OSBP2: variants seen among roughly 807,000 people sequenced by gnomAD.
The protein encoded by OSBP2 is oxysterol binding protein 2.
In OSBP2, 66 loss-of-function variants were observed where a neutral mutation model predicts 96.0. That is an observed-to-expected ratio of 0.69 (90% CI 0.56 to 0.84). The LOEUF (loss-of-function observed/expected upper bound fraction) is 0.84. Among genes scored for constraint, OSBP2 ranks in the 40% least tolerant of loss-of-function variants. The pLI, the probability that OSBP2 is intolerant of heterozygous loss-of-function variation, is 0.00. For missense variants in OSBP2, 1,038 were observed against 1,222.7 expected (o/e 0.85, Z 2.25); for synonymous variants, 525 against 520.9 (o/e 1.01, Z -0.11).
At chr22:30,724,678 C>T (rs1023053600) in intron 1 of OSBP2, among the ~76,000 whole-genome samples, 3 of 152,204 alleles carry the variant, frequency 2.0e-5, no homozygotes, top group African/African-American at 7.2e-5. Context: ...TATAAACACC[C>T]GTTTGCAGGG....
At chr22:30,822,877 G>A (rs1052199142) in intron 2 of OSBP2, among the ~76,000 whole-genome samples, 2 of 152,216 alleles carry the variant, frequency 1.3e-5, no homozygotes, top group Non-Finnish European at 2.9e-5. Flanking sequence ...GCACCCCGCC[G>A]GCGTGCGCTC....
chr22:30,835,159 T>C (rs1216287379), intron 2 of OSBP2, among the ~76,000 whole-genome samples: 1 of 152,194 alleles, frequency 6.6e-6, no homozygotes, highest in African/African-American at 2.4e-5. Context: ...TTTTGATGTT[T>C]AATTTATCTA....
chr22:30,718,522 G>C (rs1311529997), intron 1 of OSBP2, among the ~76,000 whole-genome samples: 1 of 152,210 alleles, frequency 6.6e-6, no homozygotes, highest in African/African-American at 2.4e-5. Flanking sequence ...CACATCAAAG[G>C]ACTCGGGAAA....
At chr22:30,903,587 A>G (rs1212648809) in intron 12 of OSBP2, among the ~76,000 whole-genome samples, 6 of 152,246 alleles carry the variant, frequency 3.9e-5, no homozygotes, top group Non-Finnish European at 8.8e-5. Context: ...CTGTGTCCCA[A>G]TGAGTTCACT....
At position 30,871,647 on chromosome 22, in the gene OSBP2, G is replaced by T. The variant is rs1248106123; in HGVS notation, c.1107+965G>T. On this transcript the variant is annotated intron_variant, in intron 3 of 13. Coordinates refer to ENST00000332585, the MANE Select transcript of OSBP2 (RefSeq NM_030758.4). This position sits in a 1 kb window ranked among gnomAD's most constrained non-coding sequence, Gnocchi z 4.7. ...GGACAGTGGGCAGTGCTGGTGCCTG[G>T]GTGACCTCCAGCTGGGGGACCCAGC... 6.6e-6 allele frequency among the ~76,000 whole-genome samples: 1 copy of T among 151,834 alleles called. No homozygotes were observed. The highest frequency in any genetic ancestry group is 1.5e-5 in the Non-Finnish European group (1 of 67,948).
rs564483806 is a variant in OSBP2 at position 30,889,242 on chromosome 22, A to AG, written c.1476+13dup. On this transcript the variant is annotated intron_variant, in intron 6 of 13. Coordinates refer to ENST00000332585, the MANE Select transcript of OSBP2 (RefSeq NM_030758.4). ...TGGAGCTCAGCAGACAATGTAAGTGAGGGGGAGCACTGTAAGGGCCAGAAG... is the reference window on the plus strand; with the variant it reads ...TGGAGCTCAGCAGACAATGTAAGTGAGGGGGGAGCACTGTAAGGGCCAGAAG... The AG allele has an allele frequency of 4.4e-3, 7,132 of 1,610,820 alleles. 21 individuals carry two copies. The highest frequency in any genetic ancestry group is 4.3e-3 in the Non-Finnish European group (5,037 of 1,178,926).
chr22:30,780,225 T>A (rs2090498864), intron 2 of OSBP2, among the ~76,000 whole-genome samples: 1 of 152,226 alleles, frequency 6.6e-6, no homozygotes, highest in African/African-American at 2.4e-5. Flanking sequence ...TGCACCCCAG[T>A]GCTAATGCTT....
At chr22:30,729,393 T>C (rs1354432774) in intron 1 of OSBP2, among the ~76,000 whole-genome samples, 1 of 152,184 alleles carries the variant, frequency 6.6e-6, no homozygotes, top group Non-Finnish European at 1.5e-5. Context: ...AACCCAGCAC[T>C]TTGGGAGGCC....
intron 12 of OSBP2, among the ~76,000 whole-genome samples, chr22:30,895,963 G>A (rs935381066): frequency 6.6e-6 from 1 of 151,670 alleles, no homozygotes; most frequent in South Asian, 2.1e-4. Context: ...CTTTAAAGGG[G>A]AGGATGGGGG....
At chr22:30,828,147 T>C (rs1427881625) in intron 2 of OSBP2, among the ~76,000 whole-genome samples, 2 of 152,190 alleles carry the variant, frequency 1.3e-5, no homozygotes. Context: ...GGATTCCTTG[T>C]CATTAGAAAG....
At chr22:30,787,983 C>T (rs530299659) in intron 2 of OSBP2, among the ~76,000 whole-genome samples, 14 of 152,236 alleles carry the variant, frequency 9.2e-5, no homozygotes, top group African/African-American at 2.6e-4. Context: ...AGACTGAGAG[C>T]GCTTCAGTAG....
chr22:30,812,797 C>CT (rs1210751747), intron 2 of OSBP2, among the ~76,000 whole-genome samples: 3 of 151,152 alleles, frequency 2.0e-5, no homozygotes, highest in Admixed American at 2.0e-4. Flanking sequence ...CCTTGTTACT[C>CT]TGATGGGTGA....
intron 1 of OSBP2, among the ~76,000 whole-genome samples, chr22:30,727,472 G>T (rs2089669483): frequency 6.6e-6 from 1 of 152,096 alleles, no homozygotes; most frequent in Non-Finnish European, 1.5e-5. Flanking sequence ...CTCTGGAAAG[G>T]CAGGAAAATA....
chr22:30,853,173 T>C (rs968498539), intron 2 of OSBP2, among the ~76,000 whole-genome samples: 14 of 152,194 alleles, frequency 9.2e-5, no homozygotes, highest in African/African-American at 3.4e-4. Context: ...TCTAAATCCA[T>C]ACTAGTTTTA....
chr22:30,877,246 T>C (rs1436394872), intron 3 of OSBP2, among the ~76,000 whole-genome samples: 1 of 151,988 alleles, frequency 6.6e-6, no homozygotes, highest in East Asian at 1.9e-4. Context: ...TAGTGGGTAA[T>C]TTTTTTTGAC....
At chr22:30,762,341 A>C (rs1291261111) in intron 2 of OSBP2, among the ~76,000 whole-genome samples, 2 of 152,188 alleles carry the variant, frequency 1.3e-5, no homozygotes, top group Non-Finnish European at 2.9e-5. Flanking sequence ...CGAGGTCAGG[A>C]GATCGAGACA....
chr22:30,728,351 C>T (rs1190900149), intron 1 of OSBP2, among the ~76,000 whole-genome samples: 13 of 149,356 alleles, frequency 8.7e-5, no homozygotes, highest in Non-Finnish European at 1.3e-4. Flanking sequence ...GCCAAGATCG[C>T]GCCACTGCAC....
At chr22:30,764,492 C>CA in intron 2 of OSBP2, 1 of 737,226 alleles carries the variant, frequency 1.4e-6, no homozygotes, top group Non-Finnish European at 1.7e-6. Flanking sequence ...GCTCTGTAAA[C>CA]AGCTCTCGGG....
chr22:30,868,730 G>T (rs1053408154), intron 2 of OSBP2, among the ~76,000 whole-genome samples: 1 of 152,178 alleles, frequency 6.6e-6, no homozygotes, highest in East Asian at 1.9e-4. Context: ...GGGGGACAGG[G>T]TATGCCGTGG....
Sources: gnomAD v4.1 joint callset for allele counts (sites outside exome capture counted in the v4.1 genomes callset) on GRCh38, gnomAD v4.1.1 for gene constraint, Gnocchi (gnomAD v3.1) non-coding constraint, MANE v1.5 for transcripts, NCBI Gene and HGNC (gene_info 2026-07-23, HGNC 2026-07-21) for gene names.